Variants in OPCML observed in about 807,000 individuals in gnomAD.
OPCML encodes opioid binding protein/cell adhesion molecule like, also known as opioid-binding protein/cell adhesion molecule.
In OPCML, 13 loss-of-function variants were observed where a neutral mutation model predicts 37.8. The observed-to-expected ratio is 0.34, with a 90% CI of 0.22 to 0.55. The LOEUF is 0.55. Ranked by LOEUF, OPCML falls within the 20% of genes least tolerant of loss-of-function variation. The pLI is 0.91. For missense variants in OPCML, 341 were observed against 435.6 expected (o/e 0.78, Z 1.93); for synonymous variants, 176 against 168.8 (o/e 1.04, Z -0.33).
chr11:133,064,205 C>T (rs55973658), intron 1 of OPCML, among the ~76,000 whole-genome samples: 18,492 of 152,152 alleles, frequency 0.12, 1,410 homozygotes, highest in African/African-American at 0.21. Context: ...AACGCCGGCC[C>T]ACTAGCCGAC....
chr11:132,779,564 G>A (rs1270329209), intron 2 of OPCML, among the ~76,000 whole-genome samples: 1 of 149,542 alleles, frequency 6.7e-6, no homozygotes, highest in South Asian at 2.1e-4. Flanking sequence ...GAAGGGGGGC[G>A]TGGGGAGAGA....
intron 1 of OPCML, among the ~76,000 whole-genome samples, chr11:133,475,473 T>C (rs1409381867): frequency 6.6e-6 from 1 of 152,188 alleles, no homozygotes; most frequent in African/African-American, 2.4e-5. Flanking sequence ...CCTATGCTCA[T>C]GGACCTTCCA....
At chr11:133,349,780 G>C (rs1944086471) in intron 1 of OPCML, among the ~76,000 whole-genome samples, 1 of 152,104 alleles carries the variant, frequency 6.6e-6, no homozygotes, top group Admixed American at 6.5e-5. Context: ...GAAATAGTGG[G>C]ACATGCTAAA....
intron 1 of OPCML, among the ~76,000 whole-genome samples, chr11:133,190,768 G>A (rs1938272505): frequency 1.3e-5 from 2 of 152,018 alleles, no homozygotes; most frequent in Admixed American, 6.6e-5. Context: ...CTTTCACTTG[G>A]TATAATGTTT....
chr11:133,387,375 T>G (rs888870832), intron 1 of OPCML, among the ~76,000 whole-genome samples: 18 of 151,850 alleles, frequency 1.2e-4, no homozygotes, highest in South Asian at 4.2e-4. Context: ...ACCGGCGGGG[T>G]GTTACATGGC....
chr11:133,265,697 T>G (rs1237002377), intron 1 of OPCML, among the ~76,000 whole-genome samples: 1 of 152,164 alleles, frequency 6.6e-6, no homozygotes, highest in East Asian at 1.9e-4. Flanking sequence ...AGTGAAGATG[T>G]GTCTGAAGGA....
At chr11:132,450,973 T>A (rs766834747) in intron 4 of OPCML, among the ~76,000 whole-genome samples, 2 of 151,986 alleles carry the variant, frequency 1.3e-5, no homozygotes, top group Non-Finnish European at 2.9e-5. Context: ...TGACTCAATG[T>A]GTGTGTGTGT....
intron 2 of OPCML, among the ~76,000 whole-genome samples, chr11:132,793,977 GC>G (rs1490785394): frequency 6.6e-6 from 1 of 152,192 alleles, no homozygotes; most frequent in African/African-American, 2.4e-5. Flanking sequence ...GACGGCTACT[GC>G]CCAAGCCACC....
At chr11:132,516,813 G>A (rs1198181633) in intron 4 of OPCML, among the ~76,000 whole-genome samples, 2 of 152,134 alleles carry the variant, frequency 1.3e-5, no homozygotes, top group Non-Finnish European at 1.5e-5. Context: ...CACTCAGTCG[G>A]TGATGACCCC....
chr11:133,180,606 G>A (rs563165388), intron 1 of OPCML, among the ~76,000 whole-genome samples: 5 of 152,182 alleles, frequency 3.3e-5, no homozygotes, highest in Middle Eastern at 3.4e-3. Flanking sequence ...GAGTGTCTCC[G>A]GAGAAAGATG....
chr11:133,502,298 G>T (rs1449117043), intron 1 of OPCML, among the ~76,000 whole-genome samples: 2 of 152,110 alleles, frequency 1.3e-5, no homozygotes, highest in Non-Finnish European at 2.9e-5. Context: ...CCCCTCTCCT[G>T]CCCCCACCCT....
rs578132042 is a variant in OPCML at position 133,103,271 on chromosome 11, T to C, written c.62-160261A>G. ...GTCTACTAGTTTCCACACAGAATACTTGGGAAACTTATAGAGTCTTCTTTT... is the reference window on the plus strand; with the variant it reads ...GTCTACTAGTTTCCACACAGAATACCTGGGAAACTTATAGAGTCTTCTTTT... On this transcript the variant is annotated intron_variant, in intron 1 of 7. Coordinates refer to ENST00000524381, the MANE Select transcript of OPCML (RefSeq NM_001012393.5). 3.3e-5 allele frequency among the ~76,000 whole-genome samples: 5 copies of C among 152,302 alleles called. No homozygotes were observed. In the South Asian group the frequency reaches 6.2e-4, roughly 19 times the overall value.
chr11:132,490,318 C>G (rs2096211782), intron 4 of OPCML, among the ~76,000 whole-genome samples: 1 of 152,018 alleles, frequency 6.6e-6, no homozygotes, highest in African/African-American at 2.4e-5. Flanking sequence ...TTTCCATACC[C>G]TGAAATCACT....
intron 1 of OPCML, among the ~76,000 whole-genome samples, chr11:133,439,688 C>G (rs539141907): frequency 5.3e-5 from 8 of 151,722 alleles, no homozygotes; most frequent in African/African-American, 1.7e-4. Context: ...AGGATGGTCT[C>G]GATCTCCTGA....
chr11:132,630,769 C>T (rs150991654), intron 3 of OPCML, among the ~76,000 whole-genome samples: 30 of 152,198 alleles, frequency 2.0e-4, no homozygotes, highest in African/African-American at 6.3e-4. Flanking sequence ...AATTATACTC[C>T]TTAGTATAAG....
intron 1 of OPCML, chr11:133,297,104 A>T (rs1942649366): frequency 6.6e-6 from 1 of 152,162 alleles, no homozygotes; most frequent in African/African-American, 2.4e-5. Context: ...CTGGCCAAAG[A>T]CTTCCTTCCA....
intron 4 of OPCML, 51 bp downstream of exon 4, chr11:132,529,010 C>A: frequency 1.7e-6 from 2 of 1,177,644 alleles, no homozygotes; most frequent in Non-Finnish European, 2.5e-6. Flanking sequence ...GCATAAGAGC[C>A]AAGACTTTAA....
rs577912504 is a variant in OPCML, at chr11:133,115,234, G to C, written c.62-172224C>G. Among the ~76,000 whole-genome samples the C allele has an allele frequency of 2.6e-5, 4 of 152,330 alleles. No individual in the cohort carries two copies. In the East Asian group the frequency reaches 7.7e-4, roughly 29 times the overall value. ...AAGGGAATTTACCACCTTGGTCTAGGATCATGAAGCCTCATTGCCCTTCAG... is the reference window on the plus strand; with the variant it reads ...AAGGGAATTTACCACCTTGGTCTAGCATCATGAAGCCTCATTGCCCTTCAG... On this transcript the variant is annotated intron_variant, in intron 1 of 7. Transcript: ENST00000524381.
chr11:133,455,737 CA>C (rs570510359), intron 1 of OPCML, among the ~76,000 whole-genome samples: 14 of 152,222 alleles, frequency 9.2e-5, no homozygotes, highest in Non-Finnish European at 2.1e-4. Context: ...CCCACTGAAA[CA>C]TTAAATAAAA....
Sources: allele counts gnomAD v4.1 joint callset (sites outside exome capture counted in the v4.1 genomes callset), GRCh38; gene constraint gnomAD v4.1.1; transcripts MANE v1.5; gene names NCBI Gene and HGNC (gene_info 2026-07-23, HGNC 2026-07-21).